The following ALS2 variants were observed in gnomAD, a reference collection of about 807,000 sequenced individuals.
ALS2 encodes alsin.
A neutral mutation model predicts 203.4 loss-of-function variants in ALS2; 117 were observed. The ratio of observed to expected loss-of-function variants is 0.58; its 90% CI spans 0.50 to 0.67. The LOEUF is 0.67. Among genes scored for constraint, ALS2 ranks in the 30% least tolerant of loss-of-function variants. ALS2 has a pLI of 0.00. For synonymous variants in ALS2, 718 were observed against 725.9 expected (o/e 0.99, Z 0.17); for missense variants, 1,715 against 1,989.4 (o/e 0.86, Z 2.62).
At chr2:201,754,442 T>A in intron 6 of ALS2, 61 bp downstream of exon 6, 1 of 1,605,944 alleles carries the variant, frequency 6.2e-7, no homozygotes, top group Non-Finnish European at 8.5e-7. Context: ...TTAGAGACCT[T>A]CCCAGGAGAG....
chr2:201,759,354 G>A (rs1693617127), intron 4 of ALS2: 1 of 941,694 alleles, frequency 1.1e-6, no homozygotes, highest in Non-Finnish European at 1.3e-6. Context: ...CGCCAGAAGA[G>A]AAAAAACTTG....
At chr2:201,750,920 C>T (rs1245257755) in intron 7 of ALS2, among the ~76,000 whole-genome samples, 1 of 148,456 alleles carries the variant, frequency 6.7e-6, no homozygotes, top group Non-Finnish European at 1.5e-5. Context: ...ATGGCGCAAT[C>T]TTGGCTCACT....
intron 23 of ALS2, among the ~76,000 whole-genome samples, chr2:201,718,847 C>CT (rs1690577743): frequency 6.6e-6 from 1 of 152,092 alleles, no homozygotes; most frequent in African/African-American, 2.4e-5. Context: ...TAACACCTAT[C>CT]TTTTCAGGAA....
At chr2:201,712,076 A>C (rs1385411150) in intron 25 of ALS2, among the ~76,000 whole-genome samples, 1 of 151,550 alleles carries the variant, frequency 6.6e-6, no homozygotes, top group Admixed American at 6.6e-5. Flanking sequence ...ATTTATCCCA[A>C]ATATAGAAAA....
intron 23 of ALS2, chr2:201,722,472 A>G (rs1253956593): frequency 1.3e-5 from 2 of 152,462 alleles, no homozygotes; most frequent in Non-Finnish European, 2.9e-5. Context: ...TAGCAATTAC[A>G]CTCCAGGCAT....
Position 201,709,997 on chromosome 2 carries a change from C to T in ALS2, c.4164G>A (p.Glu1388=), listed in dbSNP as rs781112431. ...TCATTCTATACACTGCAACCAGTGT[C>T]TCCACAAGCCTGCCCAGGGGGTGCA... The part of the protein sequence containing the change: ...TPLHPLGRLV[E]TLVAVYRMTY... Residue 1388 remains glutamate, a synonymous_variant, in exon 27 of 34, where the codon GAG becomes GAA. Transcript: ENST00000264276. 6.8e-6 allele frequency: 11 copies of T among 1,613,862 alleles called. No individual in the cohort carries two copies. Among genetic ancestry groups the T allele is most frequent in the African/African-American group, 5.3e-5 (4 of 74,916 alleles).
chr2:201,767,149 T>C (rs1694130781), intron 3 of ALS2, 80 bp downstream of exon 3: 3 of 1,552,286 alleles, frequency 1.9e-6, no homozygotes, highest in Admixed American at 3.3e-5. Flanking sequence ...TAGTATCCAA[T>C]GACTCCCATA....
At chr2:201,723,976 G>C (rs898366128) in intron 21 of ALS2, among the ~76,000 whole-genome samples, 1 of 152,032 alleles carries the variant, frequency 6.6e-6, no homozygotes, top group African/African-American at 2.4e-5. Flanking sequence ...AAATTAACTG[G>C]GCGTGGTGGT....
chr2:201,761,037 G>A lies in ALS2; in HGVS notation c.957C>T (p.Ser319=). The change falls in exon 4 of 34, where the codon TCC becomes TCT. Residue 319 remains serine, a synonymous_variant. Coordinates refer to ENST00000264276, the MANE Select transcript of ALS2 (RefSeq NM_020919.4). ...TTGTTCCCATGACATTTTGTTGAGA[G>A]GACATGGCATCGCTGCTTGTGATCT... ...SAQITSSDAM[S]SQQNVMGTTE... The A allele has an allele frequency of 6.2e-7, 1 of 1,614,184 alleles. No individual in the cohort carries two copies. Among genetic ancestry groups the A allele is most frequent in the Non-Finnish European group, 8.5e-7 (1 of 1,180,032 alleles).
At chr2:201,751,654 G>C (rs1290415893) in intron 7 of ALS2, among the ~76,000 whole-genome samples, 2 of 152,140 alleles carry the variant, frequency 1.3e-5, no homozygotes, top group African/African-American at 4.8e-5. Context: ...GTTCGGGACT[G>C]TTGAATTATC....
intron 1 of ALS2, among the ~76,000 whole-genome samples, chr2:201,771,306 CA>C (rs1366823511): frequency 6.6e-6 from 1 of 152,112 alleles, no homozygotes. Flanking sequence ...CTCGGCCTCC[CA>C]AAGTGCTGGG....
chr2:201,746,947 A>C (rs1692702836), intron 8 of ALS2, among the ~76,000 whole-genome samples, 199 bp from the exon 9 acceptor site: 1 of 152,196 alleles, frequency 6.6e-6, no homozygotes, highest in Non-Finnish European at 1.5e-5. Context: ...TTCAGCTTTT[A>C]AATTTAGAAC....
In ALS2 at chr2:201,744,512, C is replaced by A. The variant is rs1056422247; in HGVS notation, c.1999-83G>T. 3.0e-6 allele frequency: 4 copies of A among 1,352,616 alleles called. No individual in the cohort carries two copies. The Admixed American group carries it at 5.6e-5, about 19-fold the overall frequency. The allele number at this position is 1,352,616 out of a possible 1,614,324, so 83.8% of individuals were successfully genotyped here. A position where few individuals can be genotyped will look rare whatever the true frequency, so the allele number is the denominator to read the frequency against. ...GTATACTGAAGCTGGCTTATATCAG[C>A]TGACAAGAGCTAACTGTTAAATATT... is the stretch of plus-strand genomic sequence containing the variant. On this transcript the variant is annotated intron_variant, in intron 9 of 33. Coordinates refer to ENST00000264276, the MANE Select transcript of ALS2 (RefSeq NM_020919.4).
At chr2:201,704,700 T>G in intron 31 of ALS2, 97 bp from the exon 32 acceptor site, 3 of 1,379,470 alleles carry the variant, frequency 2.2e-6, no homozygotes, top group Middle Eastern at 1.8e-4. Context: ...GGGATTCACA[T>G]GCCTTAACCC....
chr2:201,726,807 A>T lies in ALS2; in HGVS notation c.3039T>A (p.Asp1013Glu). The change falls in exon 18 of 34, where the codon GAT becomes GAA. Residue 1013 changes from aspartate to glutamate, a missense_variant. Asp to Glu is a conservative substitution (Grantham distance 45). Around this residue, in one of 3 missense-constraint regions of ALS2, gnomAD observed 1,227 missense variants for 1,413.5 expected, o/e 0.87. Transcript: ENST00000264276. ...AVDQALRGMSDLPPYGSGSSV... is the reference protein window; with the variant it reads ...AVDQALRGMSELPPYGSGSSV... ...TGCTACCACTTCCATAAGGGGGGAG[A>T]TCAGACATCCCTCTCAAAGCCTGAT... 6.2e-7 allele frequency: 1 copy of T among 1,614,114 alleles called. No homozygotes were observed. The highest frequency in any genetic ancestry group is 1.1e-5 in the South Asian group (1 of 91,072).
chr2:201,768,948 A>G lies in ALS2; in HGVS notation c.-60-3T>C. ...CTTTACAGAAAGTCTATCAAGACCT[A>G]AACAGTACAAGTAAGGAAAAGAGCA... On this transcript the variant is annotated splice_polypyrimidine_tract_variant and splice_region_variant and intron_variant, in intron 1 of 33. Coordinates refer to ENST00000264276, the MANE Select transcript of ALS2 (RefSeq NM_020919.4). 2.0e-6 allele frequency: 3 copies of G among 1,511,344 alleles called. No homozygotes were observed. The highest frequency in any genetic ancestry group is 1.8e-6 in the Non-Finnish European group (2 of 1,088,126). The allele number at this position is 1,511,344 out of a possible 1,614,324, so 93.6% of individuals were successfully genotyped here.
intron 1 of ALS2, among the ~76,000 whole-genome samples, chr2:201,777,178 A>G (rs759820861): frequency 2.0e-5 from 3 of 152,070 alleles, no homozygotes; most frequent in Non-Finnish European, 4.4e-5. Flanking sequence ...TTGCTCCCCT[A>G]TACTTCCAGA....
intron 25 of ALS2, among the ~76,000 whole-genome samples, chr2:201,714,966 A>C (rs771994502): frequency 6.6e-6 from 1 of 152,180 alleles, no homozygotes; most frequent in African/African-American, 2.4e-5. Context: ...AAAACTGCCC[A>C]CTTCCGTGAT....
At chr2:201,770,822 AG>A (rs1694340425) in intron 1 of ALS2, among the ~76,000 whole-genome samples, 1 of 152,184 alleles carries the variant, frequency 6.6e-6, no homozygotes, top group South Asian at 2.1e-4. Context: ...TGAAAAGGCA[AG>A]GAAAAGAATT....
Sources: gnomAD v4.1 joint callset for allele counts (sites outside exome capture counted in the v4.1 genomes callset) on GRCh38, gnomAD v4.1.1 for gene constraint, gnomAD v4.1.1 regional missense constraint, MANE v1.5 for transcripts, NCBI Gene and HGNC (gene_info 2026-07-23, HGNC 2026-07-21) for gene names.